ADAMTS17: variants seen among roughly 807,000 people sequenced by gnomAD.
The protein encoded by ADAMTS17 is A disintegrin and metalloproteinase with thrombospondin motifs 17.
Under a neutral mutation model 141.5 loss-of-function variants are expected in ADAMTS17, and 113 were observed. The ratio of observed to expected loss-of-function variants is 0.80; its 90% CI spans 0.69 to 0.93. The LOEUF (loss-of-function observed/expected upper bound fraction) is 0.93. ADAMTS17 is among the 40% of genes least tolerant of loss of function. The pLI is 0.00. For synonymous variants in ADAMTS17, 768 were observed against 630.6 expected (o/e 1.22, Z -3.27); for missense variants, 1,659 against 1,517.9 (o/e 1.09, Z -1.54).
At chr15:100,240,089 C>T (rs536162701) in intron 7 of ADAMTS17, among the ~76,000 whole-genome samples, 1 of 152,288 alleles carries the variant, frequency 6.6e-6, no homozygotes, top group South Asian at 2.1e-4. Context: ...ATGGGGGGAT[C>T]CAATCATCAC....
At chr15:100,102,138 T>C (rs2036137398) in intron 14 of ADAMTS17, among the ~76,000 whole-genome samples, 1 of 152,258 alleles carries the variant, frequency 6.6e-6, no homozygotes, top group African/African-American at 2.4e-5. Flanking sequence ...GAGAACTCCA[T>C]AATTATCTCA....
At chr15:100,091,285 A>C (rs1466730125) in intron 15 of ADAMTS17, among the ~76,000 whole-genome samples, 1 of 152,118 alleles carries the variant, frequency 6.6e-6, no homozygotes, top group Non-Finnish European at 1.5e-5. Flanking sequence ...CATGAAGAAT[A>C]ATTATGAGGT....
intron 7 of ADAMTS17, among the ~76,000 whole-genome samples, chr15:100,216,928 A>G (rs1373445502): frequency 6.6e-6 from 1 of 152,210 alleles, no homozygotes; most frequent in African/African-American, 2.4e-5. Context: ...CTGTTTTGTG[A>G]GGTCAGGGTG....
At chr15:100,214,243 A>G (rs576057903) in intron 7 of ADAMTS17, among the ~76,000 whole-genome samples, 64 of 152,272 alleles carry the variant, frequency 4.2e-4, no homozygotes, top group African/African-American at 1.3e-3. Flanking sequence ...CTCACTGGAG[A>G]GGAAAACTTG....
intron 3 of ADAMTS17, among the ~76,000 whole-genome samples, chr15:100,297,257 C>T (rs186399929): frequency 7.9e-5 from 12 of 152,122 alleles, no homozygotes; most frequent in Admixed American, 5.2e-4. Flanking sequence ...CCAAGGAGGC[C>T]GGAGCAATGG....
intron 4 of ADAMTS17, among the ~76,000 whole-genome samples, chr15:100,269,173 C>A (rs954078716): frequency 6.6e-6 from 1 of 152,154 alleles, no homozygotes; most frequent in African/African-American, 2.4e-5. Context: ...ACTATAAAAA[C>A]CTTAAAAGAA....
intron 8 of ADAMTS17, among the ~76,000 whole-genome samples, chr15:100,163,767 A>C (rs1460348038): frequency 6.6e-6 from 1 of 152,206 alleles, no homozygotes; most frequent in Admixed American, 6.5e-5. Flanking sequence ...GCTCCTAGGA[A>C]GTTTTCAAAG....
chr15:100,138,913 T>C (rs2038476671), intron 10 of ADAMTS17, among the ~76,000 whole-genome samples: 1 of 152,198 alleles, frequency 6.6e-6, no homozygotes, highest in Non-Finnish European at 1.5e-5. Context: ...AATGCTTTAA[T>C]ATACATTTTA....
intron 12 of ADAMTS17, among the ~76,000 whole-genome samples, chr15:100,119,529 C>A (rs759827827): frequency 6.6e-6 from 1 of 152,230 alleles, no homozygotes; most frequent in Non-Finnish European, 1.5e-5. Flanking sequence ...TCCTTTTACG[C>A]TTCAGTTTCC....
At chr15:100,057,873 A>G (rs1386787779) in intron 15 of ADAMTS17, among the ~76,000 whole-genome samples, 1 of 152,080 alleles carries the variant, frequency 6.6e-6, no homozygotes, top group Non-Finnish European at 1.5e-5. Flanking sequence ...ACATCATTTT[A>G]AGCCCCTGGA....
In ADAMTS17 at chr15:100,152,560, G is replaced by C. The variant is rs1282371257; in HGVS notation, c.1473+52C>G. ...TCCAGCAGAAGCCAGACCTGCTGTG[G>C]GAGGGCTGGATCCATGCTCTGTCCC... On this transcript the variant is annotated intron_variant, in intron 10 of 21. Coordinates refer to ENST00000268070, the MANE Select transcript of ADAMTS17 (RefSeq NM_139057.4). 1.9e-6 allele frequency: 3 copies of C among 1,608,184 alleles called. No homozygotes were observed. In the Admixed American group the frequency reaches 5.0e-5, roughly 27 times the overall value.
chr15:100,075,689 T>A (rs2034323415), intron 15 of ADAMTS17, among the ~76,000 whole-genome samples: 1 of 152,250 alleles, frequency 6.6e-6, no homozygotes, highest in Non-Finnish European at 1.5e-5. Flanking sequence ...TACACATATC[T>A]TTTTTCTGAT....
chr15:100,114,753 C>G (rs1331909890), intron 13 of ADAMTS17, among the ~76,000 whole-genome samples: 1 of 151,682 alleles, frequency 6.6e-6, no homozygotes, highest in Admixed American at 6.5e-5. Context: ...ATCCAAGTGG[C>G]CCCCCAGAGA....
At chr15:100,141,100 G>A (rs1165387958) in intron 10 of ADAMTS17, among the ~76,000 whole-genome samples, 2 of 152,196 alleles carry the variant, frequency 1.3e-5, no homozygotes, top group Admixed American at 6.5e-5. Flanking sequence ...ACAGCTCTCT[G>A]GTTCTAGCAT....
intron 4 of ADAMTS17, among the ~76,000 whole-genome samples, chr15:100,277,235 G>GGCCC (rs1422951898): frequency 6.6e-6 from 1 of 152,022 alleles, no homozygotes; most frequent in African/African-American, 2.4e-5. Flanking sequence ...CTCAGCCCCG[G>GGCCC]GCTCTTGAGC....
At chr15:99,985,698 G>C (rs1371471795) in intron 20 of ADAMTS17, among the ~76,000 whole-genome samples, 1 of 152,220 alleles carries the variant, frequency 6.6e-6, no homozygotes, top group African/African-American at 2.4e-5. Context: ...CCATTTTCTA[G>C]TTGTATGACT....
At chr15:100,143,551 G>A (rs1189907128) in intron 10 of ADAMTS17, among the ~76,000 whole-genome samples, 1 of 152,216 alleles carries the variant, frequency 6.6e-6, no homozygotes, top group Non-Finnish European at 1.5e-5. Flanking sequence ...GGCTAAAAGA[G>A]GAGACAGCTG....
At chr15:100,339,453 G>A (rs969216729) in intron 2 of ADAMTS17, among the ~76,000 whole-genome samples, 1 of 152,188 alleles carries the variant, frequency 6.6e-6, no homozygotes, top group Non-Finnish European at 1.5e-5. Context: ...GGCAAAAACA[G>A]GAAAAATGAT....
chr15:100,070,250 G>T, intron 15 of ADAMTS17, among the ~76,000 whole-genome samples: 1 of 142,104 alleles, frequency 7.0e-6, no homozygotes, highest in East Asian at 2.9e-4. Context: ...AGCAAGTCCT[G>T]AGTGACCTAC....
Sources: allele counts gnomAD v4.1 joint callset (sites outside exome capture counted in the v4.1 genomes callset), GRCh38; gene constraint gnomAD v4.1.1; transcripts MANE v1.5; gene names NCBI Gene and HGNC (gene_info 2026-07-23, HGNC 2026-07-21).